EYS: variants seen among roughly 807,000 people sequenced by gnomAD.
The protein encoded by EYS is EGF-like photoreceptor maintenance factor.
Under a neutral mutation model 282.1 loss-of-function variants are expected in EYS, and 250 were observed. The observed-to-expected ratio is 0.89, with a 90% CI of 0.80 to 0.98. EYS has a LOEUF of 0.98. EYS is among the 50% of genes least tolerant of loss of function. The pLI, the probability that EYS is intolerant of heterozygous loss-of-function variation, is 0.00. For synonymous variants in EYS, 1,355 were observed against 1,282.9 expected (o/e 1.06, Z -1.20); for missense variants, 4,016 against 3,709.0 (o/e 1.08, Z -2.15).
chr6:65,272,821 A>G, intron 12 of EYS, among the ~76,000 whole-genome samples: 1 of 152,156 alleles, frequency 6.6e-6, no homozygotes, highest in East Asian at 1.9e-4. Context: ...CATATCTAAA[A>G]ATAACTTTAT....
intron 9 of EYS, among the ~76,000 whole-genome samples, chr6:65,348,627 T>G (rs1208660391): frequency 6.6e-6 from 1 of 151,712 alleles, no homozygotes; most frequent in African/African-American, 2.4e-5. Flanking sequence ...TATTAATCCC[T>G]TGTCAGACAG....
At chr6:64,106,534 A>G (rs1486527890) in intron 31 of EYS, among the ~76,000 whole-genome samples, 2 of 152,008 alleles carry the variant, frequency 1.3e-5, no homozygotes, top group Non-Finnish European at 2.9e-5. Flanking sequence ...GCTCTTCTAT[A>G]GGGAAGGTGC....
intron 13 of EYS, among the ~76,000 whole-genome samples, chr6:65,039,128 C>T (rs1772854811): frequency 6.6e-6 from 1 of 151,358 alleles, no homozygotes; most frequent in Non-Finnish European, 1.5e-5. Flanking sequence ...TACATTTTCT[C>T]CTTCATAGTT....
intron 15 of EYS, among the ~76,000 whole-genome samples, chr6:64,913,938 T>C (rs1373849599): frequency 6.6e-6 from 1 of 152,152 alleles, no homozygotes; most frequent in Non-Finnish European, 1.5e-5. Flanking sequence ...AAGTTATCTG[T>C]GTATCACAGG....
Position 63,789,136 on chromosome 6 carries a change from G to C in EYS, c.7500C>G (p.Ile2500Met), listed in dbSNP as rs1770443449. 1 of 1,551,734 alleles carries C rather than the reference G, an allele frequency of 6.4e-7. No homozygotes were observed. The highest frequency in any genetic ancestry group is 1.4e-5 in the African/African-American group (1 of 73,148). The part of the protein sequence containing the change: ...SYNLGSGIAS[I>M]RSEPLNLSLG... ...GGCTCAGATTGAGGGGCTCGCTCCT[G>C]ATGCTTGCTATGCCAGACCCCAGGT... Residue 2500 changes from isoleucine (I) to methionine (M), a missense_variant, in exon 38 of 43, where the codon ATC (isoleucine) becomes ATG (methionine). By Grantham distance (10) the Ile-to-Met change is conservative (BLOSUM62 1). Coordinates refer to ENST00000503581, the MANE Select transcript of EYS (RefSeq NM_001142800.2).
chr6:65,471,758 G>A (rs1208786802), intron 5 of EYS, among the ~76,000 whole-genome samples: 1 of 152,044 alleles, frequency 6.6e-6, no homozygotes, highest in African/African-American at 2.4e-5. Context: ...TAGAAATCAT[G>A]TGATTATGTA....
chr6:64,145,036 A>G (rs1200465376), intron 31 of EYS, among the ~76,000 whole-genome samples: 1 of 152,132 alleles, frequency 6.6e-6, no homozygotes, highest in Non-Finnish European at 1.5e-5. Context: ...TACCTGATAA[A>G]CTACTTATTG....
At chr6:65,374,510 T>A (rs1244964383) in intron 8 of EYS, among the ~76,000 whole-genome samples, 2 of 149,986 alleles carry the variant, frequency 1.3e-5, no homozygotes, top group African/African-American at 5.0e-5. Context: ...GAGTTTTTTT[T>A]TTTTTCGTAC....
At chr6:63,743,611 A>G (rs1582162955) in intron 41 of EYS, among the ~76,000 whole-genome samples, 2 of 152,270 alleles carry the variant, frequency 1.3e-5, no homozygotes, top group African/African-American at 4.8e-5. Context: ...GAGCTGCATG[A>G]TATTTGCCAG....
intron 22 of EYS, among the ~76,000 whole-genome samples, chr6:64,677,528 G>A (rs1240775663): frequency 1.3e-5 from 2 of 152,024 alleles, no homozygotes; most frequent in African/African-American, 2.4e-5. Flanking sequence ...ATATCATGGT[G>A]TCTTAAAGGT....
chr6:65,084,954 A>G (rs1007828453), intron 12 of EYS, among the ~76,000 whole-genome samples: 5 of 152,126 alleles, frequency 3.3e-5, no homozygotes, highest in Admixed American at 2.6e-4. Flanking sequence ...CTCAGGCTAT[A>G]TTCCTAAGGG....
intron 30 of EYS, among the ~76,000 whole-genome samples, chr6:64,297,060 T>C (rs1384038628): frequency 6.6e-6 from 1 of 152,222 alleles, no homozygotes; most frequent in Non-Finnish European, 1.5e-5. Flanking sequence ...CTTAGTCATG[T>C]GGCAGGCAGT....
chr6:64,676,092 GGA>G (rs368598963), intron 22 of EYS, among the ~76,000 whole-genome samples: 3 of 145,550 alleles, frequency 2.1e-5, no homozygotes, highest in African/African-American at 7.5e-5. Context: ...AGAGAGAGAG[GGA>G]GAGAGAGAGA....
At chr6:64,487,772 CATA>C (rs201366972) in intron 26 of EYS, among the ~76,000 whole-genome samples, 2,940 of 150,908 alleles carry the variant, frequency 0.019, 45 homozygotes, top group African/African-American at 0.046. Context: ...GTACCTACAG[CATA>C]ATATTTTTTA....
At position 64,135,893 on chromosome 6, in the gene EYS, A is replaced by T. The variant is rs571603592; in HGVS notation, c.6425-53891T>A. Among the ~76,000 whole-genome samples, 3 of 152,110 alleles carry T rather than the reference A, an allele frequency of 2.0e-5. No individual in the cohort carries two copies. The South Asian group carries it at 6.2e-4, about 31-fold the overall frequency. ...AGTGTGGTAGTTTCTGAAGATTGGG[A>T]TGGCTATGGGCATTTCTTAAAATGA... is the stretch of plus-strand genomic sequence containing the variant. On this transcript the variant is annotated intron_variant, in intron 31 of 42. Transcript: ENST00000503581.
chr6:64,418,011 A>T (rs1774113994), intron 28 of EYS, among the ~76,000 whole-genome samples: 1 of 152,214 alleles, frequency 6.6e-6, no homozygotes, highest in African/African-American at 2.4e-5. Flanking sequence ...TAAAATATTT[A>T]TAACACAACA....
chr6:64,945,183 A>G (rs554054011), intron 15 of EYS, among the ~76,000 whole-genome samples: 14 of 151,488 alleles, frequency 9.2e-5, no homozygotes, highest in South Asian at 2.1e-4. Flanking sequence ...CATCCAATAA[A>G]GGTGTGATAT....
chr6:65,488,862 C>A (rs1355375263), intron 5 of EYS, among the ~76,000 whole-genome samples: 2 of 152,024 alleles, frequency 1.3e-5, no homozygotes, highest in African/African-American at 2.4e-5. Flanking sequence ...ACCTGACACA[C>A]ACAAGCAATG....
chr6:65,521,055 T>G (rs1450573921), intron 2 of EYS, among the ~76,000 whole-genome samples: 3 of 152,168 alleles, frequency 2.0e-5, no homozygotes, highest in Non-Finnish European at 4.4e-5. Context: ...TATTACAATT[T>G]CTATCATTCT....
Sources: gnomAD v4.1 joint callset for allele counts (sites outside exome capture counted in the v4.1 genomes callset) on GRCh38, gnomAD v4.1.1 for gene constraint, MANE v1.5 for transcripts, NCBI Gene and HGNC (gene_info 2026-07-23, HGNC 2026-07-21) for gene names.